SVIL: variants seen among roughly 807,000 people sequenced by gnomAD.
The protein encoded by SVIL is supervillin, also known as archvillin.
SVIL carries 101 observed loss-of-function variants against 240.4 expected under a neutral mutation model. That is an observed-to-expected ratio of 0.42 (90% CI 0.36 to 0.50). The LOEUF (loss-of-function observed/expected upper bound fraction) is 0.50, where lower values mean the gene tolerates loss of function less well. SVIL is among the 20% of genes least tolerant of loss of function. The pLI is 0.01. For missense variants in SVIL, 2,512 were observed against 2,818.7 expected, an observed-to-expected ratio of 0.89 and a Z score of 2.46; for synonymous variants, 999 against 1,100.0, an observed-to-expected ratio of 0.91 and a Z score of 1.82.
At chr10:29,721,900 A>G (rs897470910) in intron 1 of SVIL, among the ~76,000 whole-genome samples, 10 of 152,176 alleles carry the variant, frequency 6.6e-5, no homozygotes, top group Admixed American at 6.5e-4. Flanking sequence ...TTGCAGGCTA[A>G]CCAGGAGTTA....
chr10:29,622,205 G>C (rs1023971992), intron 1 of SVIL, among the ~76,000 whole-genome samples: 2 of 133,214 alleles, frequency 1.5e-5, no homozygotes, highest in East Asian at 2.3e-4. Flanking sequence ...AGCCGAGATC[G>C]CGCCACTGCA....
At chr10:29,583,735 G>T (rs1202908060) in intron 1 of SVIL, among the ~76,000 whole-genome samples, 3 of 152,194 alleles carry the variant, frequency 2.0e-5, no homozygotes, top group African/African-American at 7.2e-5. Flanking sequence ...TTTCTTCATG[G>T]TCATATTATT....
intron 3 of SVIL, among the ~76,000 whole-genome samples, chr10:29,557,344 T>G (rs1954028736): frequency 6.6e-6 from 1 of 152,102 alleles, no homozygotes; most frequent in Non-Finnish European, 1.5e-5. Flanking sequence ...GGGATCTGCT[T>G]GCCTTGGCCT....
intron 6 of SVIL, chr10:29,545,075 T>C (rs754831894): frequency 7.5e-6 from 4 of 534,506 alleles, no homozygotes; most frequent in South Asian, 5.6e-5. Context: ...CACGAGAGCG[T>C]GGAAGGTCAA....
At chr10:29,635,079 T>C (rs1473320954), upstream of SVIL, 1 of 152,258 alleles carries the variant, frequency 6.6e-6, no homozygotes, top group Non-Finnish European at 1.5e-5. Flanking sequence ...CCATCAGCTG[T>C]TGCAGCAGGC....
chr10:29,665,562 G>C (rs756129932), intron 2 of SVIL, among the ~76,000 whole-genome samples: 9 of 152,142 alleles, frequency 5.9e-5, no homozygotes, highest in African/African-American at 2.2e-4. Flanking sequence ...TTGGGAGGCC[G>C]AGGCTGGTGG....
intron 3 of SVIL, chr10:29,647,119 C>T (rs1312558763): frequency 6.6e-6 from 1 of 152,090 alleles, no homozygotes; most frequent in Non-Finnish European, 1.5e-5. Flanking sequence ...GATAGATAAC[C>T]ATGCCAAAAA....
intron 2 of SVIL, among the ~76,000 whole-genome samples, chr10:29,665,676 C>G (rs1459636855): frequency 6.6e-6 from 1 of 151,992 alleles, no homozygotes; most frequent in Non-Finnish European, 1.5e-5. Flanking sequence ...CGCCTGTAGT[C>G]CCAGCTACTC....
At chr10:29,557,942 T>C (rs1243732675) in intron 3 of SVIL, among the ~76,000 whole-genome samples, 1 of 152,214 alleles carries the variant, frequency 6.6e-6, no homozygotes, top group Non-Finnish European at 1.5e-5. Flanking sequence ...TGCTGTGAGC[T>C]CTGCCGCAGG....
chr10:29,677,675 C>A lies in SVIL; in HGVS notation c.-301+8878G>T, dbSNP rs569325292. ...GGTTCAAGCGATCCTCCATCCTCAG[C>A]CTCCCAAAGTGCTAGGATTACAGGC... is the stretch of plus-strand genomic sequence containing the variant. On this transcript the variant is annotated intron_variant, in intron 2 of 35. Coordinates refer to the SVIL transcript ENST00000375400. 3.9e-5 allele frequency among the ~76,000 whole-genome samples: 6 copies of A among 152,274 alleles called. No individual in the cohort carries two copies. The South Asian group carries it at 1.2e-3, about 32-fold the overall frequency.
At chr10:29,550,538 G>C (rs1212647894) in intron 6 of SVIL, 59 bp downstream of exon 6, 5 of 1,476,916 alleles carry the variant, frequency 3.4e-6, no homozygotes, top group Non-Finnish European at 4.5e-6. Context: ...ATCACACAGA[G>C]AGGCAAAAAG....
chr10:29,702,401 T>C (rs530415719), intron 1 of SVIL, among the ~76,000 whole-genome samples: 1 of 152,232 alleles, frequency 6.6e-6, no homozygotes, highest in Non-Finnish European at 1.5e-5. Flanking sequence ...CCATCCACAC[T>C]GACCTCCCCG....
At chr10:29,529,871 T>C (rs1951230764) in intron 11 of SVIL, 27 bp from the exon 12 acceptor site, 1 of 1,580,308 alleles carries the variant, frequency 6.3e-7, no homozygotes, top group Non-Finnish European at 8.6e-7. Flanking sequence ...TGTGGAACCC[T>C]TATAAATTCA....
intron 13 of SVIL, among the ~76,000 whole-genome samples, chr10:29,525,226 C>T (rs1950819492): frequency 6.6e-6 from 1 of 152,174 alleles, no homozygotes. Context: ...AGAGTCACTG[C>T]TTCAGCTTAG....
chr10:29,563,556 G>T lies in SVIL; in HGVS notation c.-142-264C>A, dbSNP rs377651868. ...GATGTGTGAAAACATTGCTGAACTG[G>T]GAGTCGTGAGCTTTAACTCAGACTG... On this transcript the variant is annotated intron_variant, in intron 2 of 37. Transcript: ENST00000355867. Among the ~76,000 whole-genome samples the T allele has an allele frequency of 7.9e-5, 12 of 152,232 alleles. No homozygotes were observed. In the South Asian group the frequency reaches 2.5e-3, roughly 32 times the overall value.
At chr10:29,708,074 G>A (rs574918286) in intron 1 of SVIL, among the ~76,000 whole-genome samples, 6 of 151,256 alleles carry the variant, frequency 4.0e-5, no homozygotes, top group African/African-American at 1.5e-4. Flanking sequence ...TGGCTAACAC[G>A]GTGAAACCCC....
At chr10:29,528,187 T>C (rs1045611296) in intron 12 of SVIL, among the ~76,000 whole-genome samples, 1 of 152,162 alleles carries the variant, frequency 6.6e-6, no homozygotes, top group South Asian at 2.1e-4. Flanking sequence ...CAAATATTTC[T>C]TTTTTTAAAA....
In SVIL at chr10:29,569,275, T is replaced by G; in HGVS notation, c.-163A>C. The G allele has an allele frequency of 1.0e-6, 1 of 985,810 alleles. No individual in the cohort carries two copies. Among genetic ancestry groups the G allele is most frequent in the South Asian group, 4.7e-5 (1 of 21,286 alleles). 61.1% of individuals were successfully genotyped at this position (985,810 alleles called of 1,614,324 possible). A position where few individuals can be genotyped will look rare whatever the true frequency, so the allele number is the denominator to read the frequency against. ...TTTACCTTGAAACTTTCCTTTGACG[T>G]GGGAATCCAAGGAAGCTTAAGTTTT... On this transcript the variant is annotated 5_prime_UTR_variant, in exon 2 of 38. Transcript: ENST00000355867.
At chr10:29,458,964 G>T (rs1056734121) in intron 36 of SVIL, among the ~76,000 whole-genome samples, 1 of 150,848 alleles carries the variant, frequency 6.6e-6, no homozygotes. Flanking sequence ...GCATCACCAG[G>T]CCTGGCTAAT....
Sources: gnomAD v4.1 joint callset for allele counts (sites outside exome capture counted in the v4.1 genomes callset) on GRCh38, gnomAD v4.1.1 for gene constraint, MANE v1.5 for transcripts, NCBI Gene and HGNC (gene_info 2026-07-23, HGNC 2026-07-21) for gene names.